CACNB1: variants seen among roughly 807,000 people sequenced by gnomAD.
The protein encoded by CACNB1 is calcium voltage-gated channel auxiliary subunit beta 1, also known as voltage-dependent L-type calcium channel subunit beta-1.
In CACNB1, 29 loss-of-function variants were observed where a neutral mutation model predicts 71.6. The ratio of observed to expected loss-of-function variants is 0.40; its 90% CI spans 0.30 to 0.55. The LOEUF (loss-of-function observed/expected upper bound fraction) is 0.55. CACNB1 is among the 20% of genes least tolerant of loss of function. CACNB1 has a pLI of 0.38. For synonymous variants in CACNB1, 300 were observed against 319.6 expected, an observed-to-expected ratio of 0.94 and a Z score of 0.65; for missense variants, 623 against 801.8, an observed-to-expected ratio of 0.78 and a Z score of 2.69.
At chr17:39,178,682 C>G (rs2045659930) in intron 11 of CACNB1, among the ~76,000 whole-genome samples, 1 of 152,090 alleles carries the variant, frequency 6.6e-6, no homozygotes, top group East Asian at 1.9e-4. Context: ...TGAGCCCAGC[C>G]ACACCCTCTA....
At position 39,197,555 on chromosome 17, in the gene CACNB1, G is replaced by C; in HGVS notation, c.-60C>G. The C allele has an allele frequency of 7.6e-7, 1 of 1,318,482 alleles. No homozygotes were observed. Among genetic ancestry groups the C allele is most frequent in the Non-Finnish European group, 1.0e-6 (1 of 981,204 alleles). The allele number at this position is 1,318,482 out of a possible 1,614,324, so 81.7% of individuals were successfully genotyped here. ...CCAGCCGGGCTCCCTCAGCGCATGG[G>C]AGAGGCCGTGGGAGCCGAAAGCAGC... On this transcript the variant is annotated 5_prime_UTR_variant, in exon 1 of 14. Transcript: ENST00000394303.
Position 39,186,724 on chromosome 17 carries a change from G to A in CACNB1, c.551+69C>T, listed in dbSNP as rs1228388660. On this transcript the variant is annotated intron_variant, in intron 5 of 13. Transcript: ENST00000394303. This position sits in a 1 kb window ranked among gnomAD's most constrained non-coding sequence, Gnocchi z 4.1. Reference sequence around the variant, plus strand: ...CCTCAGGGCCAGGGACAACCATTGAGGCCTAGTCCAGGCTGTATGGCCTCT... The same window carrying A: ...CCTCAGGGCCAGGGACAACCATTGAAGCCTAGTCCAGGCTGTATGGCCTCT... 3 of 1,590,932 alleles carry A rather than the reference G, an allele frequency of 1.9e-6. No individual in the cohort carries two copies. The highest frequency in any genetic ancestry group is 1.1e-5 in the South Asian group (1 of 89,720).
At position 39,175,139 on chromosome 17, in the gene CACNB1, C is replaced by G; in HGVS notation, c.*54G>C. 7.1e-7 allele frequency: 1 copy of G among 1,417,208 alleles called. No individual in the cohort carries two copies. The highest frequency in any genetic ancestry group is 9.7e-7 in the Non-Finnish European group (1 of 1,030,464). The allele number at this position is 1,417,208 out of a possible 1,614,324, so 87.8% of individuals were successfully genotyped here. A position where few individuals can be genotyped will look rare whatever the true frequency, so the allele number is the denominator to read the frequency against. Reference sequence around the variant, plus strand: ...ACATGTCAGGTGTGAGCCCCTCGCTCCCTCCCCTCCCCTGGGCTCAGAGCC... The same window carrying G: ...ACATGTCAGGTGTGAGCCCCTCGCTGCCTCCCCTCCCCTGGGCTCAGAGCC... On this transcript the variant is annotated 3_prime_UTR_variant, in exon 14 of 14. Transcript: ENST00000394303. The surrounding 1 kb of genome is among the most constrained non-coding windows in gnomAD (Gnocchi z 4.7).
chr17:39,175,380 C>T lies in CACNB1; in HGVS notation c.1610G>A (p.Gly537Glu). 6.2e-7 allele frequency: 1 copy of T among 1,614,184 alleles called. No homozygotes were observed. Among genetic ancestry groups the T allele is most frequent in the Admixed American group, 1.7e-5 (1 of 60,028 alleles). ...CTGTCGGGCTGGGGGCGTGCCGCCC[C>T]CTGCAGGGTCTCCAAGCCCTGGCCC... ...SEGPGLGDPAGGGTPPARQGS... is the reference protein window; with the variant it reads ...SEGPGLGDPAEGGTPPARQGS... Residue 537 changes from glycine (G) to glutamate (E), a missense_variant, in exon 14 of 14, where the codon GGG becomes GAG. Gly to Glu is a moderately conservative substitution (Grantham distance 98). Coordinates refer to ENST00000394303, the MANE Select transcript of CACNB1 (RefSeq NM_000723.5). The surrounding 1 kb of genome is among the most constrained non-coding windows in gnomAD (Gnocchi z 4.7).
chr17:39,187,658 A>G (rs2045974481), intron 3 of CACNB1, 57 bp from the exon 4 acceptor site: 1 of 1,590,948 alleles, frequency 6.3e-7, no homozygotes. Context: ...AATGTAATGT[A>G]CAACTTCCTG....
intron 11 of CACNB1, among the ~76,000 whole-genome samples, chr17:39,180,541 G>C (rs939783340): frequency 3.3e-5 from 5 of 151,504 alleles, no homozygotes; most frequent in African/African-American, 1.2e-4. Context: ...TGTAATACCA[G>C]CTACTTGGGA....
chr17:39,191,599 A>T lies in CACNB1; in HGVS notation c.172-6T>A. 3.1e-6 allele frequency: 5 copies of T among 1,608,462 alleles called. No individual in the cohort carries two copies. The highest frequency in any genetic ancestry group is 4.2e-6 in the Non-Finnish European group (5 of 1,178,206). ...GTGTAGGACTCCGCTGAGCCCTGAA[A>T]ATAGAGAGAGCCAGATCAGGGCCAT... is the stretch of plus-strand genomic sequence containing the variant. On this transcript the variant is annotated splice_region_variant and splice_polypyrimidine_tract_variant and intron_variant, in intron 2 of 13. Transcript: ENST00000394303.
rs523516 is a variant in CACNB1 at position 39,175,092 on chromosome 17, A to T, written c.*101T>A. 0.16 allele frequency: 154,849 copies of T among 965,660 alleles called. 13,569 individuals carry two copies. The highest frequency in any genetic ancestry group is 0.32 in the African/African-American group (19,632 of 61,212). The allele number at this position is 965,660 out of a possible 1,614,324, so 59.8% of individuals were successfully genotyped here. On this transcript the variant is annotated 3_prime_UTR_variant, in exon 14 of 14. Transcript: ENST00000394303. This position sits in a 1 kb window ranked among gnomAD's most constrained non-coding sequence, Gnocchi z 4.7. ...AGCAAAGGCATCTGAAAGGAGGGAG[A>T]CAGCGCCCCCTGGAGGCGAATACAT...
At chr17:39,176,838 A>C (rs2045590485) in intron 13 of CACNB1, among the ~76,000 whole-genome samples, 1 of 152,170 alleles carries the variant, frequency 6.6e-6, no homozygotes, top group South Asian at 2.1e-4. Context: ...AGAAGATGCC[A>C]CATTCTTGGT....
chr17:39,180,345 T>C (rs1465116706), intron 11 of CACNB1, among the ~76,000 whole-genome samples: 2 of 151,114 alleles, frequency 1.3e-5, no homozygotes, highest in Admixed American at 6.6e-5. Flanking sequence ...TGTAAGATAA[T>C]GATGTTGTTC....
chr17:39,190,548 C>A (rs900988133), intron 3 of CACNB1, among the ~76,000 whole-genome samples: 1 of 152,092 alleles, frequency 6.6e-6, no homozygotes, highest in African/African-American at 2.4e-5. Context: ...GTGCCTCAGC[C>A]TCCCGAGTAA....
intron 11 of CACNB1, among the ~76,000 whole-genome samples, chr17:39,178,546 A>T (rs974466267): frequency 6.6e-5 from 10 of 151,218 alleles, no homozygotes; most frequent in African/African-American, 2.4e-4. Flanking sequence ...TACCCCACTA[A>T]TTTTTTTTAA....
rs907030465 is a variant in CACNB1 at position 39,191,467 on chromosome 17, T to C, written c.291+7A>G. 2 of 1,596,948 alleles carry C rather than the reference T, an allele frequency of 1.3e-6. No individual in the cohort carries two copies. Among genetic ancestry groups the C allele is most frequent in the Non-Finnish European group, 1.7e-6 (2 of 1,174,288 alleles). On this transcript the variant is annotated splice_region_variant and intron_variant, in intron 3 of 13. Transcript: ENST00000394303. ...GCCAGCACAGCCCCTCCCCACATCT[T>C]TCTCACCTTGGCCTTCTCGAGCTGC... is the stretch of plus-strand genomic sequence containing the variant.
intron 4 of CACNB1, 123 bp from the exon 5 acceptor site, chr17:39,187,052 A>C: frequency 9.8e-7 from 1 of 1,017,322 alleles, no homozygotes; most frequent in East Asian, 2.6e-5. Context: ...ACCCTCAAAA[A>C]TCCCCAGCCC....
Position 39,191,065 on chromosome 17 carries a change from G to A in CACNB1, c.291+409C>T, listed in dbSNP as rs548658844. ...TAAAAATACAAAAAATTAGCCGGGC[G>A]TGGCAGCCAGAGCCTATAGTCCCGG... On this transcript the variant is annotated intron_variant, in intron 3 of 13. Transcript: ENST00000394303. Among the ~76,000 whole-genome samples, 27 of 151,930 alleles carry A rather than the reference G, an allele frequency of 1.8e-4. No homozygotes were observed. In the South Asian group the frequency reaches 4.6e-3, roughly 26 times the overall value.
At chr17:39,183,483 A>G (rs2045844350) in intron 11 of CACNB1, among the ~76,000 whole-genome samples, 1 of 152,166 alleles carries the variant, frequency 6.6e-6, no homozygotes, top group African/African-American at 2.4e-5. Flanking sequence ...GGTCTGCATG[A>G]CCCTAATAAT....
chr17:39,175,318 C>T lies in CACNB1; in HGVS notation c.1672G>A (p.Glu558Lys). The T allele has an allele frequency of 1.2e-6, 2 of 1,614,194 alleles. No individual in the cohort carries two copies. The highest frequency in any genetic ancestry group is 2.2e-5 in the South Asian group (2 of 91,072). ...CCCCGGTTCCGGTTGTCGGTCAGCT[C>T]TTCCTCATAGTCTTCTTCCTCGTCC... is the stretch of plus-strand genomic sequence containing the variant. ...WEDEEEDYEEELTDNRNRGRN... is the reference protein window; with the variant it reads ...WEDEEEDYEEKLTDNRNRGRN... The change falls in exon 14 of 14, where the codon GAG (glutamate) becomes AAG (lysine). Residue 558 changes from glutamate (E) to lysine (K), a missense_variant. Coordinates refer to ENST00000394303, the MANE Select transcript of CACNB1 (RefSeq NM_000723.5). This position sits in a 1 kb window ranked among gnomAD's most constrained non-coding sequence, Gnocchi z 4.7.
rs2045543883 is a variant in CACNB1 at position 39,175,165 on chromosome 17, C to T, written c.*28G>A. On this transcript the variant is annotated 3_prime_UTR_variant, in exon 14 of 14. Coordinates refer to ENST00000394303, the MANE Select transcript of CACNB1 (RefSeq NM_000723.5). The surrounding 1 kb of genome is among the most constrained non-coding windows in gnomAD (Gnocchi z 4.7). ...CCTCCCCTCCCCTGGGCTCAGAGCC[C>T]TTCCTCCCGCCGTGTGGCCCCTGCC... 6.4e-7 allele frequency: 1 copy of T among 1,568,750 alleles called. No individual in the cohort carries two copies. Among genetic ancestry groups the T allele is most frequent in the Non-Finnish European group, 8.7e-7 (1 of 1,148,754 alleles).
chr17:39,186,476 T>G lies in CACNB1; in HGVS notation c.628+20A>C. On this transcript the variant is annotated intron_variant, in intron 6 of 13. Transcript: ENST00000394303. This position sits in a 1 kb window ranked among gnomAD's most constrained non-coding sequence, Gnocchi z 4.1. ...ACCCAGGAGCTTCTTCCCAAACCCC[T>G]GCATGGCGATGGCTCTTACCACTGG... 1 of 1,601,094 alleles carries G rather than the reference T, an allele frequency of 6.2e-7. No individual in the cohort carries two copies. The highest frequency in any genetic ancestry group is 8.5e-7 in the Non-Finnish European group (1 of 1,170,534).
Sources: allele counts gnomAD v4.1 joint callset (sites outside exome capture counted in the v4.1 genomes callset), GRCh38; gene constraint gnomAD v4.1.1; non-coding constraint Gnocchi (gnomAD v3.1); transcripts MANE v1.5; gene names NCBI Gene and HGNC (gene_info 2026-07-23, HGNC 2026-07-21).